Variants in MMP24 observed in about 807,000 individuals in gnomAD.
MMP24 encodes matrix metalloproteinase-24.
A neutral mutation model predicts 62.8 loss-of-function variants in MMP24; 25 were observed. The observed-to-expected ratio is 0.40, with a 90% CI of 0.29 to 0.56. The LOEUF (loss-of-function observed/expected upper bound fraction) is 0.56, where lower values mean the gene tolerates loss of function less well. Ranked by LOEUF, MMP24 falls within the 20% of genes least tolerant of loss-of-function variation. The probability of loss-of-function intolerance (pLI) is 0.50; values close to 1 mark genes in which losing one functional copy is unlikely to be tolerated. For synonymous variants in MMP24, 319 were observed against 350.5 expected, an observed-to-expected ratio of 0.91 and a Z score of 1.00; for missense variants, 634 against 853.6, an observed-to-expected ratio of 0.74 and a Z score of 3.21.
intron 3 of MMP24, among the ~76,000 whole-genome samples, chr20:35,252,645 C>A (rs1015626786): frequency 2.0e-5 from 3 of 152,250 alleles, no homozygotes; most frequent in Non-Finnish European, 2.9e-5. Flanking sequence ...TCATCTTTGA[C>A]TGTCTGGAGG....
At chr20:35,250,938 A>G (rs1715153649) in intron 2 of MMP24, among the ~76,000 whole-genome samples, 1 of 152,220 alleles carries the variant, frequency 6.6e-6, no homozygotes, top group Non-Finnish European at 1.5e-5. Context: ...ATCAGGATTT[A>G]CGTAATTTCA....
At chr20:35,255,775 G>A (rs957006710) in intron 4 of MMP24, among the ~76,000 whole-genome samples, 5 of 152,154 alleles carry the variant, frequency 3.3e-5, no homozygotes, top group Non-Finnish European at 4.4e-5. Context: ...CGGTCTCCTC[G>A]TCTGCAAAGT....
At chr20:35,253,457 G>C (rs1395507112) in intron 3 of MMP24, among the ~76,000 whole-genome samples, 1 of 151,912 alleles carries the variant, frequency 6.6e-6, no homozygotes, top group African/African-American at 2.4e-5. Flanking sequence ...TCTTGAAGGG[G>C]TAGAGTGGAT....
intron 6 of MMP24, chr20:35,267,737 T>A: frequency 2.5e-6 from 1 of 401,212 alleles, no homozygotes; most frequent in Non-Finnish European, 4.6e-6. Context: ...CCTGGGGGAG[T>A]CATTCCTCTA....
intron 5 of MMP24, among the ~76,000 whole-genome samples, chr20:35,265,806 C>T (rs919974614): frequency 2.0e-5 from 3 of 151,950 alleles, no homozygotes; most frequent in Non-Finnish European, 4.4e-5. Context: ...ATCTTAAGAC[C>T]TCAGTAGCCA....
chr20:35,261,691 C>T (rs547178842), intron 4 of MMP24, among the ~76,000 whole-genome samples: 12 of 152,252 alleles, frequency 7.9e-5, no homozygotes, highest in South Asian at 2.1e-4. Flanking sequence ...GAGCTGCCCA[C>T]GCCCGGGCCC....
chr20:35,246,023 G>T lies in MMP24; in HGVS notation c.247-817G>T, dbSNP rs181559596. On this transcript the variant is annotated intron_variant, in intron 1 of 8. Coordinates refer to ENST00000246186, the MANE Select transcript of MMP24 (RefSeq NM_006690.4). The stretch of plus-strand genomic sequence containing the variant: ...TTTATTTATAGTGCCTTGCTTTTTT[G>T]GGGGGTAGCAATACATATTGTATAT... 2.2e-3 allele frequency among the ~76,000 whole-genome samples: 333 copies of T among 151,538 alleles called. 1 individual carries two copies. The highest frequency in any genetic ancestry group is 7.6e-3 in the African/African-American group (316 of 41,324).
At position 35,269,849 on chromosome 20, in the gene MMP24, C is replaced by T. The variant is rs772620989; in HGVS notation, c.1284C>T (p.Arg428=). 1 of 1,554,246 alleles carries T rather than the reference C, an allele frequency of 6.4e-7. No homozygotes were observed. The highest frequency in any genetic ancestry group is 8.7e-7 in the Non-Finnish European group (1 of 1,148,572). The change falls in exon 7 of 9, where the codon CGC becomes CGT. Residue 428 remains arginine, a synonymous_variant. Coordinates refer to ENST00000246186, the MANE Select transcript of MMP24 (RefSeq NM_006690.4). This position sits in a 1 kb window ranked among gnomAD's most constrained non-coding sequence, Gnocchi z 4.6. The stretch of plus-strand genomic sequence containing the variant: ...AGTTCTGGAAGGGCCTGCCTGCCCG[C>T]ATCGACGCAGCCTATGAAAGGGCCG... The part of the protein sequence containing the change: ...IEQFWKGLPA[R]IDAAYERADG...
rs1266149158 is a variant in MMP24, at chr20:35,267,153, T to C, written c.980-52T>C. 7.0e-6 allele frequency: 10 copies of C among 1,437,794 alleles called. No homozygotes were observed. In the Admixed American group the frequency reaches 1.0e-4, roughly 15 times the overall value. The allele number at this position is 1,437,794 out of a possible 1,614,324, so 89.1% of individuals were successfully genotyped here. A position where few individuals can be genotyped will look rare whatever the true frequency, so the allele number is the denominator to read the frequency against. On this transcript the variant is annotated intron_variant, in intron 5 of 8. Coordinates refer to ENST00000246186, the MANE Select transcript of MMP24 (RefSeq NM_006690.4). ...GCCTGGGTGATGCTGAGACTGGCAA[T>C]GGGAGGCGGGAAACGGCTGCCCCCT... is the stretch of plus-strand genomic sequence containing the variant.
chr20:35,227,059 C>T (rs2060416995), intron 1 of MMP24, 75 bp downstream of exon 1: 2 of 965,064 alleles, frequency 2.1e-6, no homozygotes, highest in Non-Finnish European at 1.2e-6. Flanking sequence ...CGGGGACGGG[C>T]CTGGGCCGGG....
intron 6 of MMP24, 46 bp downstream of exon 6, chr20:35,267,465 C>T (rs1342533937): frequency 1.3e-6 from 2 of 1,504,556 alleles, no homozygotes; most frequent in South Asian, 1.2e-5. Flanking sequence ...CTGACCTTTC[C>T]TCCTCCTCCC....
intron 2 of MMP24, among the ~76,000 whole-genome samples, chr20:35,247,427 C>T (rs1008616086): frequency 6.6e-6 from 1 of 151,956 alleles, no homozygotes; most frequent in Admixed American, 6.5e-5. Flanking sequence ...CTGCATGTGC[C>T]TGTCATCCGG....
At chr20:35,231,651 A>G (rs1025632013) in intron 1 of MMP24, among the ~76,000 whole-genome samples, 2 of 152,168 alleles carry the variant, frequency 1.3e-5, no homozygotes, top group African/African-American at 4.8e-5. Context: ...CAATACCATG[A>G]GGTAGATAAG....
chr20:35,244,577 A>C (rs924674697), intron 1 of MMP24, among the ~76,000 whole-genome samples: 2 of 152,030 alleles, frequency 1.3e-5, no homozygotes, highest in Non-Finnish European at 2.9e-5. Flanking sequence ...AGTAGCTGAG[A>C]TTACAGGCAC....
chr20:35,250,453 C>T (rs1345809001), intron 2 of MMP24, among the ~76,000 whole-genome samples: 2 of 151,788 alleles, frequency 1.3e-5, no homozygotes, highest in Admixed American at 6.6e-5. Context: ...CCAGCTACTA[C>T]TCAGGAGGTT....
At chr20:35,253,283 T>TTTTTTTTTTTTTTG in intron 3 of MMP24, among the ~76,000 whole-genome samples, 1 of 149,578 alleles carries the variant, frequency 6.7e-6, no homozygotes, top group African/African-American at 2.5e-5. Flanking sequence ...TTTTTTTTTT[T>TTTTTTTTTTTTTTG]TTTTTTTTTT....
chr20:35,266,449 C>G (rs2060636226), intron 5 of MMP24, among the ~76,000 whole-genome samples: 1 of 151,510 alleles, frequency 6.6e-6, no homozygotes, highest in African/African-American at 2.4e-5. Context: ...ATATGCAGCC[C>G]AAGTGAAGAA....
chr20:35,251,498 A>T (rs2060547020), intron 2 of MMP24, among the ~76,000 whole-genome samples: 1 of 152,058 alleles, frequency 6.6e-6, no homozygotes, highest in Non-Finnish European at 1.5e-5. Context: ...CTGTAATCTC[A>T]TTGCATTTAC....
At chr20:35,273,797 GAAGTGATGTGTGCC>G (rs2060686544) in intron 8 of MMP24, among the ~76,000 whole-genome samples, 1 of 142,412 alleles carries the variant, frequency 7.0e-6, no homozygotes. Context: ...TCTGTGTTGT[GAAGTGATGTGTGCC>G]AAGCCAAAAA....
Sources: gnomAD v4.1 joint callset for allele counts (sites outside exome capture counted in the v4.1 genomes callset) on GRCh38, gnomAD v4.1.1 for gene constraint, Gnocchi (gnomAD v3.1) non-coding constraint, MANE v1.5 for transcripts, NCBI Gene and HGNC (gene_info 2026-07-23, HGNC 2026-07-21) for gene names.